The following CCBE1 variants were observed in gnomAD, a reference collection of about 807,000 sequenced individuals.
The protein encoded by CCBE1 is collagen and calcium binding EGF domains 1, also known as collagen and calcium-binding EGF domain-containing protein 1.
CCBE1 carries 37 observed loss-of-function variants against 50.0 expected under a neutral mutation model. The observed-to-expected ratio is 0.74, with a 90% CI of 0.57 to 0.97. The LOEUF (loss-of-function observed/expected upper bound fraction) is 0.97, where lower values mean the gene tolerates loss of function less well. CCBE1 is among the 50% of genes least tolerant of loss of function. The probability of loss-of-function intolerance (pLI) is 0.00; values close to 1 mark genes in which losing one functional copy is unlikely to be tolerated. For synonymous variants in CCBE1, 234 were observed against 203.7 expected (o/e 1.15, Z -1.27); for missense variants, 538 against 523.8 (o/e 1.03, Z -0.26).
intron 2 of CCBE1, among the ~76,000 whole-genome samples, chr18:59,607,477 T>C (rs953472591): frequency 2.0e-5 from 3 of 152,338 alleles, no homozygotes; most frequent in African/African-American, 7.2e-5. Flanking sequence ...CACAACTCCT[T>C]AGTTGGGGAC....
chr18:59,641,776 A>G (rs2053994259), intron 2 of CCBE1, among the ~76,000 whole-genome samples: 1 of 152,208 alleles, frequency 6.6e-6, no homozygotes, highest in Non-Finnish European at 1.5e-5. Flanking sequence ...GATAACACGC[A>G]CACATGAAAA....
chr18:59,563,028 G>A (rs2564500), intron 2 of CCBE1, among the ~76,000 whole-genome samples: 102,801 of 152,040 alleles, frequency 0.68, 35,253 homozygotes, highest in East Asian at 0.89. Context: ...ATGAGTTTAT[G>A]TATTTTTGTT....
chr18:59,491,880 G>T (rs1412470441), intron 2 of CCBE1, among the ~76,000 whole-genome samples: 3 of 151,072 alleles, frequency 2.0e-5, no homozygotes, highest in Non-Finnish European at 2.9e-5. Context: ...AGGTGGAAAA[G>T]AAAAGCATTC....
chr18:59,550,584 G>T (rs1267454409), intron 2 of CCBE1, among the ~76,000 whole-genome samples: 1 of 152,150 alleles, frequency 6.6e-6, no homozygotes, highest in South Asian at 2.1e-4. Flanking sequence ...AGGAAAAGCT[G>T]CACCTCAGAC....
intron 2 of CCBE1, among the ~76,000 whole-genome samples, chr18:59,553,541 C>T (rs1916004634): frequency 6.6e-6 from 1 of 152,204 alleles, no homozygotes; most frequent in African/African-American, 2.4e-5. Context: ...GTTGATAGTG[C>T]CTTTTCAATA....
chr18:59,519,472 G>A (rs1379496568), intron 2 of CCBE1, among the ~76,000 whole-genome samples: 1 of 151,976 alleles, frequency 6.6e-6, no homozygotes, highest in African/African-American at 2.4e-5. Flanking sequence ...ATTGTATCCT[G>A]CCACAAACAT....
At chr18:59,454,456 G>C (rs1911084727) in intron 6 of CCBE1, among the ~76,000 whole-genome samples, 1 of 152,144 alleles carries the variant, frequency 6.6e-6, no homozygotes, top group African/African-American at 2.4e-5. Context: ...ATGTTAGCTA[G>C]GCTGGTCTTG....
chr18:59,526,519 C>T (rs1164096410), intron 2 of CCBE1, among the ~76,000 whole-genome samples: 1 of 152,044 alleles, frequency 6.6e-6, no homozygotes, highest in Non-Finnish European at 1.5e-5. Context: ...CCACATTGGC[C>T]AGGCTGGTCT....
Position 59,671,499 on chromosome 18 carries a change from GAAAA to G in CCBE1, c.212+25126_212+25129del, listed in dbSNP as rs56009778. ...GGCAACAGAGTGAGACCTTGTCTCA[GAAAA>G]AAAAAAAAAAAAAGTAAGAAAAAGA... On this transcript the variant is annotated intron_variant, in intron 2 of 10. Transcript: ENST00000439986. Among the ~76,000 whole-genome samples, 533 of 121,104 alleles carry G rather than the reference GAAAA, an allele frequency of 4.4e-3. 7 individuals are homozygous for G. The highest frequency in any genetic ancestry group is 0.014 in the African/African-American group (518 of 36,294). 79.4% of individuals were successfully genotyped at this position (121,104 alleles called of 152,430 possible).
intron 5 of CCBE1, 39 bp from the exon 6 acceptor site, chr18:59,454,990 G>A (rs1287143374): frequency 2.0e-6 from 3 of 1,522,154 alleles, no homozygotes; most frequent in Middle Eastern, 1.7e-4. Flanking sequence ...CTGGGAGGCT[G>A]GATGCAAGCC....
At chr18:59,690,376 A>G (rs1427500262) in intron 2 of CCBE1, among the ~76,000 whole-genome samples, 6 of 152,232 alleles carry the variant, frequency 3.9e-5, no homozygotes, top group Non-Finnish European at 7.3e-5. Flanking sequence ...GCAATAATCT[A>G]AAACAGAATG....
chr18:59,466,643 A>G lies in CCBE1; in HGVS notation c.553+96T>C. 6.8e-6 allele frequency: 4 copies of G among 585,512 alleles called. No individual in the cohort carries two copies. The South Asian group carries it at 1.6e-4, about 24-fold the overall frequency. 36.3% of individuals were successfully genotyped at this position (585,512 alleles called of 1,614,324 possible). A position where few individuals can be genotyped will look rare whatever the true frequency, so the allele number is the denominator to read the frequency against. ...AATATATTTATATATACAATTATAT[A>G]ATCATATCTATATAATATATAAACC... On this transcript the variant is annotated intron_variant, in intron 5 of 10. Coordinates refer to ENST00000439986, the MANE Select transcript of CCBE1 (RefSeq NM_133459.4).
intron 2 of CCBE1, among the ~76,000 whole-genome samples, chr18:59,690,934 T>C (rs1469075460): frequency 6.6e-6 from 1 of 152,232 alleles, no homozygotes; most frequent in Admixed American, 6.5e-5. Context: ...GAGTTAGCTA[T>C]AGCTGCCAGA....
intron 2 of CCBE1, among the ~76,000 whole-genome samples, chr18:59,483,040 T>TGTGTGAAC (rs1912651408): frequency 1.3e-5 from 2 of 152,144 alleles, no homozygotes; most frequent in East Asian, 3.9e-4. Context: ...GCATGTCACC[T>TGTGTGAAC]ACAGCCTATC....
intron 2 of CCBE1, among the ~76,000 whole-genome samples, chr18:59,556,468 T>G (rs145453796): frequency 1.1e-4 from 17 of 152,280 alleles, no homozygotes; most frequent in African/African-American, 3.6e-4. Flanking sequence ...GGGAGTGACC[T>G]TAATCAGATG....
chr18:59,568,445 G>C (rs2052861464), intron 2 of CCBE1: 1 of 152,142 alleles, frequency 6.6e-6, no homozygotes, highest in Non-Finnish European at 1.5e-5. Context: ...AGACTTCTGA[G>C]CACCTTTTTC....
intron 2 of CCBE1, among the ~76,000 whole-genome samples, chr18:59,554,224 T>TCA (rs372856856): frequency 8.1e-4 from 124 of 152,252 alleles, no homozygotes; most frequent in African/African-American, 3.0e-3. Context: ...AGCGATCCTC[T>TCA]CACCTCAGCT....
rs192046365 is a variant in CCBE1 at position 59,526,990 on chromosome 18, A to T, written c.213-46752T>A. ...TAAGAAGAATGCATATTCTATTGTTATGGGGTGGAGAGTTCTGTAGCTATC... is the reference window on the plus strand; with the variant it reads ...TAAGAAGAATGCATATTCTATTGTTTTGGGGTGGAGAGTTCTGTAGCTATC... On this transcript the variant is annotated intron_variant, in intron 2 of 10. Coordinates refer to ENST00000439986, the MANE Select transcript of CCBE1 (RefSeq NM_133459.4). 2.6e-5 allele frequency among the ~76,000 whole-genome samples: 4 copies of T among 152,292 alleles called. No homozygotes were observed. In the East Asian group the frequency reaches 7.7e-4, roughly 29 times the overall value.
intron 7 of CCBE1, among the ~76,000 whole-genome samples, chr18:59,442,991 GTGTTT>G (rs201772950): frequency 2.8e-5 from 4 of 141,676 alleles, no homozygotes; most frequent in Non-Finnish European, 4.7e-5. Context: ...TTGAGGGGTT[GTGTTT>G]TGTTTTGTTT....
Sources: gnomAD v4.1 joint callset for allele counts (sites outside exome capture counted in the v4.1 genomes callset) on GRCh38, gnomAD v4.1.1 for gene constraint, MANE v1.5 for transcripts, NCBI Gene and HGNC (gene_info 2026-07-23, HGNC 2026-07-21) for gene names.